Variants in PDXK observed in about 807,000 individuals in gnomAD.
The protein encoded by PDXK is epididymis secretory sperm binding protein Li 1a.
PDXK carries 15 observed loss-of-function variants against 43.2 expected under a neutral mutation model. That is an observed-to-expected ratio of 0.35 (90% CI 0.23 to 0.53). The LOEUF (loss-of-function observed/expected upper bound fraction) is 0.53, where lower values mean the gene tolerates loss of function less well. PDXK is among the 20% of genes least tolerant of loss of function. The pLI, the probability that PDXK is intolerant of heterozygous loss-of-function variation, is 0.92. For missense variants in PDXK, 343 were observed against 417.0 expected, an observed-to-expected ratio of 0.82 and a Z score of 1.54; for synonymous variants, 172 against 165.4, an observed-to-expected ratio of 1.04 and a Z score of -0.31.
chr21:43,755,012 T>G (rs2083821549), intron 9 of PDXK, among the ~76,000 whole-genome samples: 1 of 152,090 alleles, frequency 6.6e-6, no homozygotes, highest in South Asian at 2.1e-4. Flanking sequence ...GGCCATTAAG[T>G]AAGCCTGCCG....
chr21:43,755,899 C>A, intron 10 of PDXK, 52 bp from the exon 11 acceptor site: 1 of 1,492,260 alleles, frequency 6.7e-7, no homozygotes, highest in African/African-American at 1.4e-5. Flanking sequence ...GTGGGGGCAA[C>A]AGCGGGAGCC....
intron 3 of PDXK, among the ~76,000 whole-genome samples, chr21:43,742,120 T>C (rs1014118278): frequency 6.6e-6 from 1 of 152,132 alleles, no homozygotes; most frequent in African/African-American, 2.4e-5. Context: ...TGCTACCTGG[T>C]ACACTGCCAT....
At chr21:43,733,708 T>G in intron 1 of PDXK, 1 of 1,120,582 alleles carries the variant, frequency 8.9e-7, no homozygotes, top group South Asian at 1.9e-5. Flanking sequence ...GACAGATGGG[T>G]ATTGCCTTCG....
intron 1 of PDXK, among the ~76,000 whole-genome samples, chr21:43,720,059 C>T (rs1369063402): frequency 6.6e-6 from 1 of 152,222 alleles, no homozygotes; most frequent in Admixed American, 6.5e-5. Flanking sequence ...CGGGACTGTG[C>T]GGATTGGCTT....
At chr21:43,740,206 C>T (rs7277641) in intron 2 of PDXK, among the ~76,000 whole-genome samples, 111 of 152,220 alleles carry the variant, frequency 7.3e-4, no homozygotes, top group Middle Eastern at 3.4e-3. Flanking sequence ...CACGTCCTCC[C>T]GTGCGACGGC....
chr21:43,741,636 T>A, intron 2 of PDXK, 31 bp from the exon 3 acceptor site: 1 of 1,603,516 alleles, frequency 6.2e-7, no homozygotes, highest in Non-Finnish European at 8.5e-7. Context: ...CCCCCTTGTG[T>A]CTGAGCCCCC....
chr21:43,755,801 T>TGGCTCCC lies in PDXK; in HGVS notation c.826+39_826+45dup, dbSNP rs1351170762. The TGGCTCCC allele has an allele frequency of 3.8e-6, 6 of 1,588,104 alleles. No homozygotes were observed. In the Admixed American group the frequency reaches 6.7e-5, roughly 18 times the overall value. ...GGGCTGCATGGGCTGCGTGGGCTCC[T>TGGCTCCC]GGCTCCCGAAGTGGGTGGGAGAGAA... On this transcript the variant is annotated intron_variant, in intron 10 of 10. Coordinates refer to ENST00000291565, the MANE Select transcript of PDXK (RefSeq NM_003681.5).
At chr21:43,733,248 T>TCCCCCCCCCCCCCCCCCCCCCCCCCCC (rs1399508385) in intron 1 of PDXK, among the ~76,000 whole-genome samples, 2 of 35,064 alleles carry the variant, frequency 5.7e-5, no homozygotes, top group African/African-American at 1.2e-4. Context: ...CCCCTCCCCA[T>TCCCCCCCCCCCCCCCCCCCCCCCCCCC]CCCCACCCCC....
Position 43,729,967 on chromosome 21 carries a change from C to CA in PDXK, c.88-4094dup, listed in dbSNP as rs201690189. ...TCAAAAAAAGAAAACCAAAACAAAA[C>CA]AAAAAAAACAAAAAACAAAAAATGG... On this transcript the variant is annotated intron_variant, in intron 1 of 10. Transcript: ENST00000291565. Among the ~76,000 whole-genome samples the CA allele has an allele frequency of 2.3e-3, 351 of 151,400 alleles. 1 individual carries two copies. The highest frequency in any genetic ancestry group is 5.1e-3 in the Admixed American group (77 of 15,190).
chr21:43,754,224 T>C lies in PDXK; in HGVS notation c.759+505T>C, dbSNP rs2083806856. The stretch of plus-strand genomic sequence containing the variant: ...GTCCAGGCAGGTGTGGAGAGCCGTC[T>C]TTCTGGGCGTTTTGTCTGGATGTCT... On this transcript the variant is annotated intron_variant, in intron 9 of 10. Transcript: ENST00000291565. This position sits in a 1 kb window ranked among gnomAD's most constrained non-coding sequence, Gnocchi z 5.5. Among the ~76,000 whole-genome samples the C allele has an allele frequency of 6.6e-6, 1 of 152,162 alleles. No individual in the cohort carries two copies. The highest frequency in any genetic ancestry group is 1.5e-5 in the Non-Finnish European group (1 of 68,024).
chr21:43,741,995 C>T (rs1456946688), intron 3 of PDXK, among the ~76,000 whole-genome samples: 1 of 152,078 alleles, frequency 6.6e-6, no homozygotes. Context: ...GCCAAGTCAC[C>T]CCCACTCCTG....
At chr21:43,736,872 G>C (rs1225344708) in intron 2 of PDXK, 9 of 696,344 alleles carry the variant, frequency 1.3e-5, no homozygotes, top group Non-Finnish European at 2.1e-5. Context: ...GGGCTCAAGC[G>C]ATCCTGCCCC....
rs180812090 is a variant in PDXK at position 43,733,490 on chromosome 21, G to A, written c.88-579G>A. The A allele has an allele frequency of 1.7e-3, 378 of 217,344 alleles. 1 individual carries two copies. Among genetic ancestry groups the A allele is most frequent in the African/African-American group, 8.7e-3 (371 of 42,728 alleles). 13.5% of individuals were successfully genotyped at this position (217,344 alleles called of 1,614,324 possible). ...GATACAGGAAGGAGGCCCCCACTCC[G>A]TGGATTCCGTCCTTCCTCTCCATCT... On this transcript the variant is annotated intron_variant, in intron 1 of 10. Coordinates refer to ENST00000291565, the MANE Select transcript of PDXK (RefSeq NM_003681.5).
At position 43,734,147 on chromosome 21, in the gene PDXK, G is replaced by A. The variant is rs1314880137; in HGVS notation, c.142+24G>A. ...AGGTAAGGCGTTGGCTCCAGCAGCTGGCATAGAGCAGACTGTGGGTGTGAG... is the reference window on the plus strand; with the variant it reads ...AGGTAAGGCGTTGGCTCCAGCAGCTAGCATAGAGCAGACTGTGGGTGTGAG... On this transcript the variant is annotated intron_variant, in intron 2 of 10. Coordinates refer to ENST00000291565, the MANE Select transcript of PDXK (RefSeq NM_003681.5). The surrounding 1 kb of genome is among the most constrained non-coding windows in gnomAD (Gnocchi z 5.0). The A allele has an allele frequency of 6.2e-7, 1 of 1,609,894 alleles. No individual in the cohort carries two copies. The highest frequency in any genetic ancestry group is 2.2e-5 in the East Asian group (1 of 44,876).
chr21:43,756,256 G>C lies in PDXK; in HGVS notation c.*193G>C. On this transcript the variant is annotated 3_prime_UTR_variant, in exon 11 of 11. Coordinates refer to ENST00000291565, the MANE Select transcript of PDXK (RefSeq NM_003681.5). ...TGTGAAAAATAACAAAGTGGTCACA[G>C]AAATTTGTGATCTGAAAACCCGGCT... 2.0e-6 allele frequency: 1 copy of C among 488,074 alleles called. No individual in the cohort carries two copies. Among genetic ancestry groups the C allele is most frequent in the Admixed American group, 3.6e-5 (1 of 27,724 alleles). 30.2% of individuals were successfully genotyped at this position (488,074 alleles called of 1,614,324 possible).
In PDXK at chr21:43,732,447, G is replaced by A; in HGVS notation, c.88-1622G>A. 4 of 1,612,454 alleles carry A rather than the reference G, an allele frequency of 2.5e-6. No homozygotes were observed. The highest frequency in any genetic ancestry group is 3.4e-6 in the Non-Finnish European group (4 of 1,179,492). Reference sequence around the variant, plus strand: ...GAATAAGCTGATTTTGATGGGGTGTGTGAAACGGAGATGCCAGCCCAGGGG... The same window carrying A: ...GAATAAGCTGATTTTGATGGGGTGTATGAAACGGAGATGCCAGCCCAGGGG... On this transcript the variant is annotated intron_variant, in intron 1 of 10. Transcript: ENST00000291565. The surrounding 1 kb of genome is among the most constrained non-coding windows in gnomAD (Gnocchi z 4.1).
At chr21:43,755,503 C>T in intron 9 of PDXK, 195 bp from the exon 10 acceptor site, 1 of 601,066 alleles carries the variant, frequency 1.7e-6, no homozygotes, top group South Asian at 1.9e-5. Flanking sequence ...ATCTGCTCAG[C>T]CCTCCGGGCT....
At chr21:43,736,675 C>G (rs2083409126) in intron 2 of PDXK, among the ~76,000 whole-genome samples, 1 of 134,650 alleles carries the variant, frequency 7.4e-6, no homozygotes, top group African/African-American at 2.8e-5. Context: ...CTCTGTCATT[C>G]AGGCTGGAGT....
In PDXK at chr21:43,734,852, C is replaced by T. The variant is rs970798439; in HGVS notation, c.142+729C>T. Among the ~76,000 whole-genome samples, 2 of 152,162 alleles carry T rather than the reference C, an allele frequency of 1.3e-5. No individual in the cohort carries two copies. The highest frequency in any genetic ancestry group is 2.9e-5 in the Non-Finnish European group (2 of 68,028). ...ACAAAGCTGTTCTGTTCTTTGAAAC[C>T]CCACCTCGCTTCCCCTGAAATTTCT... On this transcript the variant is annotated intron_variant, in intron 2 of 10. Coordinates refer to ENST00000291565, the MANE Select transcript of PDXK (RefSeq NM_003681.5). The surrounding 1 kb of genome is among the most constrained non-coding windows in gnomAD (Gnocchi z 5.0).
Sources: allele counts gnomAD v4.1 joint callset (sites outside exome capture counted in the v4.1 genomes callset), GRCh38; gene constraint gnomAD v4.1.1; non-coding constraint Gnocchi (gnomAD v3.1); transcripts MANE v1.5; gene names NCBI Gene and HGNC (gene_info 2026-07-23, HGNC 2026-07-21).